The following NHSL1 variants were observed in gnomAD, a reference collection of about 807,000 sequenced individuals.
The protein encoded by NHSL1 is NHS like 1.
A neutral mutation model predicts 95.0 loss-of-function variants in NHSL1; 48 were observed. The ratio of observed to expected loss-of-function variants is 0.51; its 90% CI spans 0.40 to 0.64. The LOEUF is 0.64. NHSL1 is among the 30% of genes least tolerant of loss of function. NHSL1 has a pLI of 0.00. For synonymous variants in NHSL1, 783 were observed against 833.9 expected, an observed-to-expected ratio of 0.94 and a Z score of 1.05; for missense variants, 1,971 against 2,077.7, an observed-to-expected ratio of 0.95 and a Z score of 1.00.
At chr6:138,629,879 G>C (rs1784794200) in intron 1 of NHSL1, among the ~76,000 whole-genome samples, 1 of 152,156 alleles carries the variant, frequency 6.6e-6, no homozygotes, top group South Asian at 2.1e-4. Context: ...AAGTTGTATA[G>C]TCTACAGAAA....
chr6:138,504,263 G>A (rs956813600), upstream of NHSL1, among the ~76,000 whole-genome samples: 2 of 152,252 alleles, frequency 1.3e-5, no homozygotes, highest in South Asian at 2.1e-4. Context: ...GAGAGAAAGA[G>A]AGAGAGAACG....
rs553569243 is a variant in NHSL1 at position 138,558,833 on chromosome 6, A to G, written c.202+12877T>C. On this transcript the variant is annotated intron_variant, in intron 1 of 6. Transcript: ENST00000427025. ...TGAAGTGGGAAAATCACTTGAGGCTAAGAGTGAAGACCAGCCTGGGCAACA... is the reference window on the plus strand; with the variant it reads ...TGAAGTGGGAAAATCACTTGAGGCTGAGAGTGAAGACCAGCCTGGGCAACA... Among the ~76,000 whole-genome samples, 9 of 152,262 alleles carry G rather than the reference A, an allele frequency of 5.9e-5. No individual in the cohort carries two copies. The East Asian group carries it at 7.7e-4, about 13-fold the overall frequency.
At chr6:138,534,681 C>T (rs527590461) in intron 1 of NHSL1, among the ~76,000 whole-genome samples, 24 of 152,266 alleles carry the variant, frequency 1.6e-4, no homozygotes, top group African/African-American at 5.5e-4. Flanking sequence ...CCAACAGAAA[C>T]TCTATCAAAC....
intron 1 of NHSL1, among the ~76,000 whole-genome samples, chr6:138,600,589 C>T (rs928328990): frequency 1.2e-4 from 18 of 152,162 alleles, no homozygotes; most frequent in Non-Finnish European, 2.4e-4. Flanking sequence ...ATAATCCTTG[C>T]TTCCCTGGGT....
intron 2 of NHSL1, among the ~76,000 whole-genome samples, chr6:138,481,559 A>G (rs1487371589): frequency 6.6e-6 from 1 of 152,216 alleles, no homozygotes; most frequent in Admixed American, 6.5e-5. Context: ...AGCATATCAA[A>G]GAGGTGAAAA....
At chr6:138,618,141 A>G (rs1325447687) in intron 1 of NHSL1, among the ~76,000 whole-genome samples, 1 of 152,224 alleles carries the variant, frequency 6.6e-6, no homozygotes, top group Non-Finnish European at 1.5e-5. Flanking sequence ...GGGAAAAAGG[A>G]TGCAAACATT....
intron 1 of NHSL1, among the ~76,000 whole-genome samples, chr6:138,672,478 T>A (rs990138201): frequency 5.3e-5 from 8 of 151,664 alleles, no homozygotes; most frequent in African/African-American, 1.2e-4. Context: ...AAAAATTTTT[T>A]AAAAACCATA....
chr6:138,512,364 T>C (rs1781271376), intron 1 of NHSL1: 1 of 451,936 alleles, frequency 2.2e-6, no homozygotes, highest in African/African-American at 2.0e-5. Flanking sequence ...CCAGAGCATC[T>C]ATGGAGAACT....
rs150185209 is a variant in NHSL1, at chr6:138,432,919, C to T, written c.1426G>A (p.Ala476Thr). The change falls in exon 6 of 8, where the codon GCC (alanine) becomes ACC (threonine). Residue 476 changes from alanine to threonine, a missense_variant. By Grantham distance (58) the Ala-to-Thr change is moderately conservative. Around this residue, in one of 3 missense-constraint regions of NHSL1, gnomAD observed 1,602 missense variants for 1,654.5 expected, o/e 0.97. Coordinates refer to ENST00000343505, the MANE Select transcript of NHSL1 (RefSeq NM_001144060.2). This position sits in a 1 kb window ranked among gnomAD's most constrained non-coding sequence, Gnocchi z 4.4. The stretch of plus-strand genomic sequence containing the variant: ...TCTAAGTCCTGTGAAAGAATGGTGG[C>T]ATGGCCCTCATTCCAGTGGCGACCG... ...SPGRHWNEGH[A>T]TILSQDLDPH... 9.6e-3 allele frequency: 14,817 copies of T among 1,551,502 alleles called. 111 individuals are homozygous for T. The highest frequency in any genetic ancestry group is 0.014 in the South Asian group (1,183 of 84,060).
In NHSL1 at chr6:138,424,793, C is replaced by T. The variant is rs1384206417; in HGVS notation, c.4109G>A (p.Arg1370His). 3 of 1,550,050 alleles carry T rather than the reference C, an allele frequency of 1.9e-6. No individual in the cohort carries two copies. Among genetic ancestry groups the T allele is most frequent in the Non-Finnish European group, 1.7e-6 (2 of 1,145,900 alleles). Residue 1370 changes from arginine (R) to histidine (H), a missense_variant, in exon 8 of 8, where the codon CGT becomes CAT. Physicochemically the swap from Arg to His is conservative, Grantham distance 29. Transcript: ENST00000343505. The surrounding 1 kb of genome is among the most constrained non-coding windows in gnomAD (Gnocchi z 5.9). The stretch of plus-strand genomic sequence containing the variant: ...GGAGTGGTCATCATCTGAATCTCTA[C>T]GGCCGAGGACTTTCCTTTTGGATCT... ...IHRSKRKVLG[R>H]RDSDDDHSRN...
At chr6:138,624,977 C>T (rs1784715987) in intron 1 of NHSL1, among the ~76,000 whole-genome samples, 1 of 151,922 alleles carries the variant, frequency 6.6e-6, no homozygotes, top group Admixed American at 6.6e-5. Context: ...TTTATATATA[C>T]AAAATATAGT....
intron 1 of NHSL1, among the ~76,000 whole-genome samples, chr6:138,636,264 T>C (rs537486464): frequency 6.6e-6 from 1 of 152,066 alleles, no homozygotes; most frequent in East Asian, 1.9e-4. Context: ...AAAAGGAACA[T>C]ACCTCAACAT....
At chr6:138,615,644 G>C (rs1008172103) in intron 1 of NHSL1, among the ~76,000 whole-genome samples, 1 of 152,168 alleles carries the variant, frequency 6.6e-6, no homozygotes, top group African/African-American at 2.4e-5. Flanking sequence ...CTAATTTTTT[G>C]TATTCTTAGT....
chr6:138,506,091 T>A (rs1780949934), intron 1 of NHSL1, among the ~76,000 whole-genome samples: 1 of 152,166 alleles, frequency 6.6e-6, no homozygotes, highest in Non-Finnish European at 1.5e-5. Context: ...CCATGCATTC[T>A]GGGCCAATAA....
chr6:138,476,173 T>G (rs576852890), intron 2 of NHSL1, among the ~76,000 whole-genome samples: 5 of 152,204 alleles, frequency 3.3e-5, no homozygotes, highest in Middle Eastern at 6.8e-3. Context: ...GACATCATTA[T>G]AGAAAAAAGA....
At chr6:138,448,098 T>C (rs1776980737) in intron 3 of NHSL1, among the ~76,000 whole-genome samples, 1 of 152,256 alleles carries the variant, frequency 6.6e-6, no homozygotes, top group Non-Finnish European at 1.5e-5. Context: ...TAGCAGTGTC[T>C]GTTTTGATAC....
intron 1 of NHSL1, among the ~76,000 whole-genome samples, chr6:138,664,117 C>T (rs904237104): frequency 6.6e-6 from 1 of 152,202 alleles, no homozygotes; most frequent in Admixed American, 6.5e-5. Flanking sequence ...TTCCAGAGAT[C>T]ACCACAATAA....
In NHSL1 at chr6:138,692,238, C is replaced by T. The variant is rs1266137485; in HGVS notation, c.96+238G>A. The T allele has an allele frequency of 2.2e-6, 1 of 454,508 alleles. No individual in the cohort carries two copies. Among genetic ancestry groups the T allele is most frequent in the Non-Finnish European group, 4.4e-6 (1 of 225,532 alleles). 28.2% of individuals were successfully genotyped at this position (454,508 alleles called of 1,614,324 possible). A position where few individuals can be genotyped will look rare whatever the true frequency, so the allele number is the denominator to read the frequency against. On this transcript the variant is annotated intron_variant, in intron 1 of 3. Transcript: ENST00000491526. This position sits in a 1 kb window ranked among gnomAD's most constrained non-coding sequence, Gnocchi z 4.0. ...AAGGGGACTGTCCAATTCCCACCCT[C>T]CGCGCCCACTCTCTCGAGGTAGCCA...
intron 1 of NHSL1, among the ~76,000 whole-genome samples, chr6:138,663,195 G>A (rs748098699): frequency 3.9e-5 from 6 of 151,950 alleles, no homozygotes; most frequent in Non-Finnish European, 7.4e-5. Context: ...AAGATGTTAC[G>A]ACATTTACTT....
Sources: gnomAD v4.1 joint callset for allele counts (sites outside exome capture counted in the v4.1 genomes callset) on GRCh38, gnomAD v4.1.1 for gene constraint, gnomAD v4.1.1 regional missense constraint, Gnocchi (gnomAD v3.1) non-coding constraint, MANE v1.5 for transcripts, NCBI Gene and HGNC (gene_info 2026-07-23, HGNC 2026-07-21) for gene names.